HDAC4: variants seen among roughly 807,000 people sequenced by gnomAD.
The protein encoded by HDAC4 is histone deacetylase 4, also known as histone deacetylase A.
In HDAC4, 16 loss-of-function variants were observed where a neutral mutation model predicts 135.1. The ratio of observed to expected loss-of-function variants is 0.12; its 90% CI spans 0.08 to 0.18. The LOEUF is 0.18. HDAC4 is among the 10% of genes least tolerant of loss of function. HDAC4 has a pLI of 1.00. For synonymous variants in HDAC4, 685 were observed against 653.4 expected (o/e 1.05, Z -0.74); for missense variants, 1,143 against 1,511.8 (o/e 0.76, Z 4.05).
intron 2 of HDAC4, among the ~76,000 whole-genome samples, chr2:239,258,476 C>T (rs1022426724): frequency 3.3e-5 from 5 of 152,154 alleles, no homozygotes; most frequent in Non-Finnish European, 5.9e-5. Context: ...AACGGAAACA[C>T]GTAAACCAGA....
chr2:239,234,072 G>A (rs1421896645), intron 3 of HDAC4, among the ~76,000 whole-genome samples: 1 of 152,080 alleles, frequency 6.6e-6, no homozygotes, highest in Non-Finnish European at 1.5e-5. Flanking sequence ...ATATTTCTTT[G>A]CAGTATTTTT....
intron 3 of HDAC4, among the ~76,000 whole-genome samples, chr2:239,214,620 C>T (rs576277793): frequency 6.6e-5 from 10 of 152,220 alleles, no homozygotes; most frequent in African/African-American, 1.2e-4. Context: ...ACCTGTGGCT[C>T]GCCACGCGTG....
chr2:239,080,769 T>C, intron 22 of HDAC4: 1 of 346,654 alleles, frequency 2.9e-6, no homozygotes, highest in Non-Finnish European at 5.3e-6. Context: ...ACCCTGCAGG[T>C]CTTTGCCTTC....
Position 239,095,088 on chromosome 2 carries a change from C to T in HDAC4, c.2234-32G>A, listed in dbSNP as rs186887684. 2.5e-5 allele frequency: 41 copies of T among 1,613,226 alleles called. No homozygotes were observed. The African/African-American group carries it at 5.2e-4, about 20-fold the overall frequency. ...GGGGGAGGGAGACGGTCAGAGAGGC[C>T]AAGGGCACGCGGCCAAGGTGCTCGA... On this transcript the variant is annotated intron_variant, in intron 16 of 26. Coordinates refer to ENST00000543185, the MANE Select transcript of HDAC4 (RefSeq NM_001378414.1).
chr2:239,131,426 G>C (rs542411182), intron 11 of HDAC4, among the ~76,000 whole-genome samples: 43 of 152,240 alleles, frequency 2.8e-4, no homozygotes, highest in Non-Finnish European at 5.7e-4. Flanking sequence ...TCAAGCAAGA[G>C]TTCGTCAAAA....
intron 6 of HDAC4, among the ~76,000 whole-genome samples, chr2:239,161,441 T>TA: frequency 6.6e-6 from 1 of 152,318 alleles, no homozygotes; most frequent in Non-Finnish European, 1.5e-5. Flanking sequence ...GGCTCAGGTC[T>TA]ATGACATCTG....
intron 15 of HDAC4, among the ~76,000 whole-genome samples, chr2:239,105,837 G>A (rs1221167977): frequency 6.6e-6 from 1 of 152,196 alleles, no homozygotes; most frequent in Admixed American, 6.5e-5. Context: ...CATCTCAGGA[G>A]GCCAGTGACC....
intron 2 of HDAC4, among the ~76,000 whole-genome samples, chr2:239,274,439 G>T (rs1017420737): frequency 2.0e-5 from 3 of 152,296 alleles, no homozygotes; most frequent in Non-Finnish European, 4.4e-5. Flanking sequence ...GACGAATCAT[G>T]TATGGGCCCC....
Position 239,137,503 on chromosome 2 carries a change from G to A in HDAC4, c.978+2181C>T, listed in dbSNP as rs190499026. Among the ~76,000 whole-genome samples, 514 of 152,222 alleles carry A rather than the reference G, an allele frequency of 3.4e-3. 3 individuals carry two copies. Among genetic ancestry groups the A allele is most frequent in the Non-Finnish European group, 5.7e-3 (388 of 68,014 alleles). ...TCTGGGCCTCCCTGGCACTGTAGAG[G>A]AGGAGGTGCCCGGCACACTGGGCTT... is the stretch of plus-strand genomic sequence containing the variant. On this transcript the variant is annotated intron_variant, in intron 9 of 26. Transcript: ENST00000543185.
intron 22 of HDAC4, among the ~76,000 whole-genome samples, chr2:239,073,392 T>C (rs1342629872): frequency 3.3e-5 from 5 of 152,184 alleles, no homozygotes; most frequent in African/African-American, 9.7e-5. Flanking sequence ...ACGGGTCAGA[T>C]AGGAGGCACC....
Position 239,126,519 on chromosome 2 carries a change from C to A in HDAC4, c.1470G>T (p.Gln490His). ...QALQHLVIQQ[Q>H]HQQFLEKHKQ... is the part of the protein sequence containing the mutation. ...TGTGTTTCTCCAGAAACTGCTGATG[C>A]TGCTGCTGGATGACCAGGTGCTGCA... Residue 490 changes from glutamine to histidine, a missense_variant, in exon 12 of 27, where the codon CAG becomes CAT. Transcript: ENST00000543185. 2 of 1,613,448 alleles carry A rather than the reference C, an allele frequency of 1.2e-6. No individual in the cohort carries two copies. Among genetic ancestry groups the A allele is most frequent in the Non-Finnish European group, 1.7e-6 (2 of 1,179,740 alleles).
At chr2:239,348,493 A>G (rs1405445247) in intron 2 of HDAC4, among the ~76,000 whole-genome samples, 2 of 152,246 alleles carry the variant, frequency 1.3e-5, no homozygotes, top group Non-Finnish European at 2.9e-5. Flanking sequence ...AACCACAAGG[A>G]AAGACAAGGA....
intron 1 of HDAC4, among the ~76,000 whole-genome samples, chr2:239,375,140 C>A (rs1467482799): frequency 6.6e-6 from 1 of 152,186 alleles, no homozygotes; most frequent in South Asian, 2.1e-4. Context: ...GTGAAGAACA[C>A]TGACATTGGG....
intron 12 of HDAC4, among the ~76,000 whole-genome samples, chr2:239,117,515 G>A (rs2039242894): frequency 6.7e-6 from 1 of 148,624 alleles, no homozygotes. Flanking sequence ...TGTGAGCAGA[G>A]CAAAGGCTGG....
At chr2:239,261,931 C>T (rs2049395980) in intron 2 of HDAC4, among the ~76,000 whole-genome samples, 1 of 152,218 alleles carries the variant, frequency 6.6e-6, no homozygotes, top group African/African-American at 2.4e-5. Flanking sequence ...GTCGGAGGGT[C>T]CTCGGGTTGC....
intron 2 of HDAC4, among the ~76,000 whole-genome samples, chr2:239,284,490 C>T (rs1315581411): frequency 4.6e-5 from 7 of 152,162 alleles, no homozygotes; most frequent in Admixed American, 3.9e-4. Flanking sequence ...TTGTGGCCCT[C>T]GTAGTCAGGG....
At chr2:239,184,461 G>A (rs1375124370) in intron 4 of HDAC4, among the ~76,000 whole-genome samples, 1 of 148,900 alleles carries the variant, frequency 6.7e-6, no homozygotes, top group Admixed American at 6.7e-5. Context: ...CCCTATGAGG[G>A]GGGGTCCCTC....
chr2:239,257,584 G>C (rs915471638), intron 2 of HDAC4, among the ~76,000 whole-genome samples: 1 of 152,036 alleles, frequency 6.6e-6, no homozygotes, highest in African/African-American at 2.4e-5. Flanking sequence ...GCAACCCCTA[G>C]GGAAAAAAAG....
At chr2:239,360,914 G>C (rs927232183) in intron 1 of HDAC4, among the ~76,000 whole-genome samples, 5 of 152,182 alleles carry the variant, frequency 3.3e-5, no homozygotes, top group Non-Finnish European at 5.9e-5. Flanking sequence ...CGCTGTCTGG[G>C]AAATGTAAGT....
Sources: allele counts gnomAD v4.1 joint callset (sites outside exome capture counted in the v4.1 genomes callset), GRCh38; gene constraint gnomAD v4.1.1; transcripts MANE v1.5; gene names NCBI Gene and HGNC (gene_info 2026-07-23, HGNC 2026-07-21).